EMB: variants seen among roughly 807,000 people sequenced by gnomAD.
The protein encoded by EMB is embigin.
A neutral mutation model predicts 41.4 loss-of-function variants in EMB; 31 were observed. That is an observed-to-expected ratio of 0.75 (90% CI 0.56 to 1.01). The LOEUF (loss-of-function observed/expected upper bound fraction) is 1.01, where lower values mean the gene tolerates loss of function less well. Ranked by LOEUF, EMB falls within the 50% of genes least tolerant of loss-of-function variation. The pLI is 0.00. For missense variants in EMB, 379 were observed against 388.3 expected (o/e 0.98, Z 0.20); for synonymous variants, 137 against 140.4 (o/e 0.98, Z 0.17).
chr5:50,396,430 G>C lies in EMB; in HGVS notation c.*2843C>G, dbSNP rs1745066696. 1 of 152,106 alleles carries C rather than the reference G, an allele frequency of 6.6e-6. No individual in the cohort carries two copies. Among genetic ancestry groups the C allele is most frequent in the Non-Finnish European group, 1.5e-5 (1 of 68,014 alleles). 9.4% of individuals were successfully genotyped at this position (152,106 alleles called of 1,614,324 possible). On this transcript the variant is annotated 3_prime_UTR_variant, in exon 9 of 9. Transcript: ENST00000303221. ...CCAACAAATGTATATTTATAACACA[G>C]AGTAATAAACACAAATAAATGTGGA... is the stretch of plus-strand genomic sequence containing the variant.
chr5:50,425,594 G>A (rs1745597121), intron 2 of EMB, among the ~76,000 whole-genome samples: 1 of 152,036 alleles, frequency 6.6e-6, no homozygotes. Context: ...TATAAAAATA[G>A]TCCATTACCA....
chr5:50,408,484 G>A (rs541139272), intron 4 of EMB, among the ~76,000 whole-genome samples: 1 of 152,034 alleles, frequency 6.6e-6, no homozygotes, highest in South Asian at 2.1e-4. Context: ...CAGTAATCTT[G>A]AGGGCCTTTT....
rs1443385372 is a variant in EMB at position 50,397,697 on chromosome 5, A to C, written c.*1576T>G. The C allele has an allele frequency of 1.3e-5, 2 of 152,122 alleles. No individual in the cohort carries two copies. The highest frequency in any genetic ancestry group is 4.8e-5 in the African/African-American group (2 of 41,458). The allele number at this position is 152,122 out of a possible 1,614,324, so 9.4% of individuals were successfully genotyped here. ...TTACCCAAGTAATGTTGTCAAAATA[A>C]TAATTAATTAAACTAAAATAAATGT... On this transcript the variant is annotated 3_prime_UTR_variant, in exon 9 of 9. Coordinates refer to ENST00000303221, the MANE Select transcript of EMB (RefSeq NM_198449.3).
intron 4 of EMB, among the ~76,000 whole-genome samples, chr5:50,406,366 G>GT (rs1370752486): frequency 2.0e-5 from 3 of 151,632 alleles, no homozygotes; most frequent in East Asian, 1.9e-4. Flanking sequence ...AGAGAACAGC[G>GT]TAAGAAAGAA....
Position 50,441,239 on chromosome 5 carries a change from G to A in EMB, c.-88C>T. 1 of 772,130 alleles carries A rather than the reference G, an allele frequency of 1.3e-6. No individual in the cohort carries two copies. Among genetic ancestry groups the A allele is most frequent in the South Asian group, 4.6e-5 (1 of 21,812 alleles). The allele number at this position is 772,130 out of a possible 1,614,324, so 47.8% of individuals were successfully genotyped here. On this transcript the variant is annotated 5_prime_UTR_variant, in exon 1 of 9. Transcript: ENST00000303221. ...TCCAGAGTCCCTGCGCACACTCGCA[G>A]GTGGCCCGGCGCTCGCAGCCAGTGC...
At chr5:50,442,506 C>G (rs1406924540), upstream of EMB, among the ~76,000 whole-genome samples, 2 of 102,784 alleles carry the variant, frequency 1.9e-5, no homozygotes, top group Non-Finnish European at 3.6e-5. Flanking sequence ...TGCACGCATG[C>G]ACACATGTAC....
chr5:50,411,289 A>G lies in EMB; in HGVS notation c.291T>C (p.Asn97=). Reference sequence around the variant, plus strand: ...CTTTTTTCCAAGTCACATTTACTGCATTCAAATCCCCAGATGTTGTGAACT... The same window carrying G: ...CTTTTTTCCAAGTCACATTTACTGCGTTCAAATCCCCAGATGTTGTGAACT... ...TCQFTTSGDL[N]AVNVTWKKDG... is the part of the protein sequence containing the mutation. Residue 97 remains asparagine, a synonymous_variant, in exon 3 of 9, where the codon AAT becomes AAC. Transcript: ENST00000303221. 6.2e-7 allele frequency: 1 copy of G among 1,613,326 alleles called. No homozygotes were observed.
intron 2 of EMB, among the ~76,000 whole-genome samples, chr5:50,414,571 A>G (rs1014791668): frequency 1.3e-5 from 2 of 150,122 alleles, no homozygotes; most frequent in African/African-American, 4.9e-5. Flanking sequence ...ATCACTTTTA[A>G]TTACATTTGA....
At chr5:50,418,436 G>A (rs921136426) in intron 2 of EMB, among the ~76,000 whole-genome samples, 4 of 152,186 alleles carry the variant, frequency 2.6e-5, no homozygotes, top group Admixed American at 2.6e-4. Flanking sequence ...CTGAGCACTA[G>A]GGTTTGGCCA....
intron 1 of EMB, among the ~76,000 whole-genome samples, chr5:50,434,372 C>A (rs1745770224): frequency 6.6e-6 from 1 of 152,210 alleles, no homozygotes; most frequent in African/African-American, 2.4e-5. Flanking sequence ...AATTCCTGTT[C>A]TGCATAGTTT....
intron 1 of EMB, among the ~76,000 whole-genome samples, chr5:50,430,005 TCA>T (rs374435204): frequency 7.1e-4 from 100 of 140,564 alleles, no homozygotes; most frequent in Non-Finnish European, 1.0e-3. Flanking sequence ...TCTCTCTCTC[TCA>T]CACACACACA....
chr5:50,416,888 TTC>T (rs1000164500), intron 2 of EMB, among the ~76,000 whole-genome samples: 19 of 152,264 alleles, frequency 1.2e-4, no homozygotes, highest in African/African-American at 4.6e-4. Flanking sequence ...AGAAGTTACC[TTC>T]TGTTTTCTAG....
intron 2 of EMB, among the ~76,000 whole-genome samples, chr5:50,416,326 A>G (rs1745431167): frequency 6.6e-6 from 1 of 152,224 alleles, no homozygotes. Flanking sequence ...CTGTTCTTAA[A>G]ACCATATAGT....
intron 2 of EMB, among the ~76,000 whole-genome samples, chr5:50,414,370 A>T (rs567582025): frequency 6.6e-6 from 1 of 151,766 alleles, no homozygotes; most frequent in East Asian, 1.9e-4. Context: ...ACAAAAAAAA[A>T]GAAAAAATTA....
chr5:50,434,832 G>A (rs1257671524), intron 1 of EMB, among the ~76,000 whole-genome samples: 2 of 152,134 alleles, frequency 1.3e-5, no homozygotes, highest in Non-Finnish European at 2.9e-5. Context: ...TTTTTATTAG[G>A]AGTAGAGTTT....
At chr5:50,438,707 A>C (rs1745846129) in intron 1 of EMB, among the ~76,000 whole-genome samples, 1 of 152,148 alleles carries the variant, frequency 6.6e-6, no homozygotes, top group African/African-American at 2.4e-5. Context: ...ACAAGCTGAG[A>C]GTGCCTGACA....
In EMB at chr5:50,441,211, G is replaced by A; in HGVS notation, c.-60C>T. 2 of 1,078,038 alleles carry A rather than the reference G, an allele frequency of 1.9e-6. No individual in the cohort carries two copies. Among genetic ancestry groups the A allele is most frequent in the Non-Finnish European group, 2.5e-6 (2 of 814,092 alleles). The allele number at this position is 1,078,038 out of a possible 1,614,324, so 66.8% of individuals were successfully genotyped here. On this transcript the variant is annotated 5_prime_UTR_variant, in exon 1 of 9. Coordinates refer to ENST00000303221, the MANE Select transcript of EMB (RefSeq NM_198449.3). ...CTGCTCCCTCAGCTCGCCGCCGCGGGTGTCCAGAGTCCCTGCGCACACTCG... is the reference window on the plus strand; with the variant it reads ...CTGCTCCCTCAGCTCGCCGCCGCGGATGTCCAGAGTCCCTGCGCACACTCG...
chr5:50,421,839 G>A (rs1017951243), intron 2 of EMB, among the ~76,000 whole-genome samples: 31 of 143,172 alleles, frequency 2.2e-4, no homozygotes, highest in African/African-American at 8.0e-4. Context: ...GATGGGAACT[G>A]AACAATGAGA....
At chr5:50,437,149 T>C (rs1447052437) in intron 1 of EMB, among the ~76,000 whole-genome samples, 2 of 152,088 alleles carry the variant, frequency 1.3e-5, no homozygotes, top group African/African-American at 2.4e-5. Context: ...CATATGCCTG[T>C]AGTCCCAGCC....
Sources: allele counts gnomAD v4.1 joint callset (sites outside exome capture counted in the v4.1 genomes callset), GRCh38; gene constraint gnomAD v4.1.1; transcripts MANE v1.5; gene names NCBI Gene and HGNC (gene_info 2026-07-23, HGNC 2026-07-21).